The following GRID2 variants were observed in gnomAD, a reference collection of about 807,000 sequenced individuals.
The protein encoded by GRID2 is glutamate receptor ionotropic, delta-2.
A neutral mutation model predicts 114.8 loss-of-function variants in GRID2; 33 were observed. The observed-to-expected ratio is 0.29, with a 90% CI of 0.22 to 0.38. The LOEUF (loss-of-function observed/expected upper bound fraction) is 0.38. GRID2 is among the 10% of genes least tolerant of loss of function. GRID2 has a pLI of 1.00. For missense variants in GRID2, 1,184 were observed against 1,257.7 expected (o/e 0.94, Z 0.89); for synonymous variants, 505 against 449.9 (o/e 1.12, Z -1.55).
At chr4:93,684,836 C>G (rs1560904560) in intron 14 of GRID2, among the ~76,000 whole-genome samples, 1 of 151,980 alleles carries the variant, frequency 6.6e-6, no homozygotes, top group Non-Finnish European at 1.5e-5. Context: ...ACAAATGGGG[C>G]TCTGTGAAGA....
chr4:93,679,165 T>A (rs897618283), intron 14 of GRID2, among the ~76,000 whole-genome samples: 2 of 150,492 alleles, frequency 1.3e-5, no homozygotes, highest in Admixed American at 6.6e-5. Context: ...CCAACAAAAA[T>A]CAAAAGAGAC....
chr4:92,796,857 T>C (rs1378854659), intron 2 of GRID2, among the ~76,000 whole-genome samples: 1 of 151,932 alleles, frequency 6.6e-6, no homozygotes, highest in Non-Finnish European at 1.5e-5. Flanking sequence ...TCTCAAATCA[T>C]GTTAGAGTCT....
chr4:93,480,568 A>G (rs925685715), intron 11 of GRID2, among the ~76,000 whole-genome samples: 1 of 152,074 alleles, frequency 6.6e-6, no homozygotes, highest in African/African-American at 2.4e-5. Flanking sequence ...AGCTATTACT[A>G]TAGTTCTCTG....
intron 14 of GRID2, among the ~76,000 whole-genome samples, chr4:93,631,097 A>T (rs1324363083): frequency 6.6e-6 from 1 of 152,100 alleles, no homozygotes; most frequent in Admixed American, 6.5e-5. Context: ...TAGAGCTGAG[A>T]CTCAAACCCA....
intron 13 of GRID2, among the ~76,000 whole-genome samples, chr4:93,521,976 G>T (rs188656110): frequency 4.2e-3 from 634 of 152,268 alleles, no homozygotes; most frequent in Non-Finnish European, 7.1e-3. Flanking sequence ...TTTTACGAAA[G>T]AAGACATATA....
intron 1 of GRID2, among the ~76,000 whole-genome samples, chr4:93,802,707 T>C (rs1375332501): frequency 1.3e-5 from 2 of 152,202 alleles, no homozygotes; most frequent in Non-Finnish European, 2.9e-5. Context: ...ATTTTGTGCA[T>C]GTTTTATATT....
At chr4:93,729,185 C>A (rs956911071) in intron 14 of GRID2, among the ~76,000 whole-genome samples, 2 of 152,122 alleles carry the variant, frequency 1.3e-5, no homozygotes, top group Admixed American at 1.3e-4. Context: ...TGTGAGCCAC[C>A]ATGCCCGGCC....
intron 3 of GRID2, among the ~76,000 whole-genome samples, chr4:93,109,778 G>A (rs550166341): frequency 1.3e-5 from 2 of 152,090 alleles, no homozygotes; most frequent in South Asian, 2.1e-4. Context: ...TCTATATTAA[G>A]CTTGTATTGT....
chr4:92,978,114 A>G (rs540900085), intron 2 of GRID2, among the ~76,000 whole-genome samples: 1 of 152,258 alleles, frequency 6.6e-6, no homozygotes, highest in Non-Finnish European at 1.5e-5. Context: ...AAAGAATTAG[A>G]GTGTGCCTAT....
chr4:92,480,747 T>C (rs562552228), intron 1 of GRID2, among the ~76,000 whole-genome samples: 1 of 152,272 alleles, frequency 6.6e-6, no homozygotes, highest in South Asian at 2.1e-4. Context: ...TAACGTAACA[T>C]TCATAGGTTA....
chr4:92,967,076 T>G (rs1002693249), intron 2 of GRID2, among the ~76,000 whole-genome samples: 2 of 151,290 alleles, frequency 1.3e-5, no homozygotes, highest in Non-Finnish European at 2.9e-5. Flanking sequence ...TGTACCCACT[T>G]TATATGTACT....
intron 1 of GRID2, among the ~76,000 whole-genome samples, chr4:92,489,136 T>G (rs749908201): frequency 1.3e-5 from 2 of 152,168 alleles, no homozygotes; most frequent in Non-Finnish European, 2.9e-5. Flanking sequence ...ATAAATATGG[T>G]TGCCCCTTCT....
chr4:93,096,906 C>G (rs999504793), intron 3 of GRID2, among the ~76,000 whole-genome samples: 1 of 152,116 alleles, frequency 6.6e-6, no homozygotes, highest in Admixed American at 6.6e-5. Flanking sequence ...GGAAGCAACT[C>G]TAATGCCCAT....
intron 1 of GRID2, among the ~76,000 whole-genome samples, chr4:92,422,874 A>G (rs1366785676): frequency 6.6e-6 from 1 of 152,210 alleles, no homozygotes; most frequent in African/African-American, 2.4e-5. Flanking sequence ...GTTTTAAACT[A>G]TAAACTAAGT....
chr4:92,747,125 C>G (rs555731543), intron 2 of GRID2, among the ~76,000 whole-genome samples: 3 of 151,862 alleles, frequency 2.0e-5, no homozygotes, highest in South Asian at 4.2e-4. Flanking sequence ...ATAGATAAAT[C>G]CAAACATAGA....
chr4:93,802,877 C>T (rs905003341), intron 1 of GRID2, among the ~76,000 whole-genome samples: 1 of 152,196 alleles, frequency 6.6e-6, no homozygotes, highest in African/African-American at 2.4e-5. Flanking sequence ...GTAAGACCCC[C>T]AAATTCTGAC....
At chr4:93,073,908 C>T (rs186524962) in intron 2 of GRID2, among the ~76,000 whole-genome samples, 32 of 152,318 alleles carry the variant, frequency 2.1e-4, no homozygotes, top group Admixed American at 5.9e-4. Context: ...CTGTGTGAAA[C>T]GGAGGCTGGA....
intron 5 of GRID2, among the ~76,000 whole-genome samples, 180 bp from the exon 6 acceptor site, chr4:93,216,558 T>C (rs1744238329): frequency 6.6e-6 from 1 of 152,156 alleles, no homozygotes; most frequent in African/African-American, 2.4e-5. Context: ...AGAAAGCAAC[T>C]ACAAATGAGT....
intron 1 of GRID2, among the ~76,000 whole-genome samples, chr4:92,432,269 G>T (rs913401867): frequency 6.6e-6 from 1 of 152,092 alleles, no homozygotes; most frequent in Admixed American, 6.5e-5. Context: ...GTCATTTAAG[G>T]CCCAAGGGTT....
Sources: allele counts gnomAD v4.1 joint callset (sites outside exome capture counted in the v4.1 genomes callset), GRCh38; gene constraint gnomAD v4.1.1; transcripts MANE v1.5; gene names NCBI Gene and HGNC (gene_info 2026-07-23, HGNC 2026-07-21).